SPHKAP: variants seen among roughly 807,000 people sequenced by gnomAD.
SPHKAP encodes A-kinase anchor protein SPHKAP.
A neutral mutation model predicts 137.5 loss-of-function variants in SPHKAP; 67 were observed. That is an observed-to-expected ratio of 0.49 (90% confidence interval 0.40 to 0.60). The LOEUF (loss-of-function observed/expected upper bound fraction) is 0.60. SPHKAP is among the 20% of genes least tolerant of loss of function. SPHKAP has a pLI of 0.00. For missense variants in SPHKAP, 2,097 were observed against 2,069.3 expected (o/e 1.01, Z -0.26); for synonymous variants, 813 against 785.3 (o/e 1.04, Z -0.59).
chr2:228,018,017 G>A lies in SPHKAP; in HGVS notation c.2837C>T (p.Ala946Val), dbSNP rs764235725. 1.2e-6 allele frequency: 2 copies of A among 1,614,068 alleles called. No homozygotes were observed. Among genetic ancestry groups the A allele is most frequent in the Non-Finnish European group, 1.7e-6 (2 of 1,180,014 alleles). The change falls in exon 7 of 12, where the codon GCG (alanine) becomes GTG (valine). Residue 946 changes from alanine to valine, a missense_variant. Transcript: ENST00000392056. ...TCCACTGGAGTTGTCAAGGCAAATC[G>A]CTGCAATTTCAGTTGCCATGGAGAC... ...TVVSMATEIAAICLDNSSGKQ... is the reference protein window; with the variant it reads ...TVVSMATEIAVICLDNSSGKQ...
At chr2:228,172,192 G>A (rs148927983) in intron 1 of SPHKAP, among the ~76,000 whole-genome samples, 42 of 152,236 alleles carry the variant, frequency 2.8e-4, no homozygotes, top group African/African-American at 9.1e-4. Flanking sequence ...ATGTAGCACC[G>A]TATTTGCAAG....
At chr2:228,027,412 T>G (rs1239975898) in intron 4 of SPHKAP, 72 bp downstream of exon 4, 2 of 1,474,660 alleles carry the variant, frequency 1.4e-6, no homozygotes. Flanking sequence ...AAAATGAGCA[T>G]TATTTACAGA....
At chr2:228,143,213 A>G (rs1234325308) in intron 1 of SPHKAP, among the ~76,000 whole-genome samples, 2 of 152,128 alleles carry the variant, frequency 1.3e-5, no homozygotes, top group African/African-American at 4.8e-5. Context: ...AAAATATTAC[A>G]CTATGTAACT....
At chr2:228,158,343 T>TTTTTA (rs1700173434) in intron 1 of SPHKAP, among the ~76,000 whole-genome samples, 2 of 150,646 alleles carry the variant, frequency 1.3e-5, no homozygotes, top group South Asian at 4.2e-4. Flanking sequence ...TTTTTTTTTT[T>TTTTTA]AGCACAGTCT....
intron 7 of SPHKAP, among the ~76,000 whole-genome samples, chr2:228,016,113 A>C (rs1694577054): frequency 6.6e-6 from 1 of 152,178 alleles, no homozygotes; most frequent in African/African-American, 2.4e-5. Flanking sequence ...GATTTTAAGA[A>C]GAGATTTACT....
intron 7 of SPHKAP, among the ~76,000 whole-genome samples, chr2:228,008,758 A>T (rs375907162): frequency 6.6e-6 from 1 of 150,538 alleles, no homozygotes; most frequent in East Asian, 2.0e-4. Context: ...TCTTCAATAT[A>T]TTGCCTTTGT....
Position 228,148,239 on chromosome 2 carries a change from G to A in SPHKAP, c.33-16154C>T, listed in dbSNP as rs1236067297. 5.3e-5 allele frequency among the ~76,000 whole-genome samples: 8 copies of A among 152,154 alleles called. 1 individual carries two copies. Among genetic ancestry groups the A allele is most frequent in the Admixed American group, 5.2e-4 (8 of 15,274 alleles). On this transcript the variant is annotated intron_variant, in intron 1 of 11. Transcript: ENST00000392056. ...TTGCTGAGAGAAGAGGGGTACTTGG[G>A]TCATTGAGGGGTATCCCCCAAACAC...
chr2:228,016,415 T>C lies in SPHKAP; in HGVS notation c.4439A>G (p.Gln1480Arg), dbSNP rs372871886. The stretch of plus-strand genomic sequence containing the variant: ...GAGACGATTCACTCACCTATGGATT[T>C]GACAAGCGCTCACGGCTGTGTCTCC... ...RGGDTAVSACQIHSDSLDTRD... is the reference protein window; with the variant it reads ...RGGDTAVSACRIHSDSLDTRD... The change falls in exon 7 of 12, where the codon CAA (glutamine) becomes CGA (arginine). Residue 1480 changes from glutamine to arginine, a missense_variant. Coordinates refer to ENST00000392056, the MANE Select transcript of SPHKAP (RefSeq NM_001142644.2). The C allele has an allele frequency of 1.2e-5, 19 of 1,589,812 alleles. No homozygotes were observed. Among genetic ancestry groups the C allele is most frequent in the Admixed American group, 1.8e-5 (1 of 54,982 alleles).
intron 3 of SPHKAP, among the ~76,000 whole-genome samples, chr2:228,040,381 C>T (rs912867278): frequency 6.6e-6 from 1 of 152,108 alleles, no homozygotes; most frequent in Non-Finnish European, 1.5e-5. Flanking sequence ...AAGAATATGA[C>T]ATTTTCTGCC....
intron 1 of SPHKAP, among the ~76,000 whole-genome samples, chr2:228,164,289 T>G (rs998970915): frequency 1.3e-5 from 2 of 152,144 alleles, no homozygotes; most frequent in Admixed American, 6.5e-5. Context: ...GTCTGGAGAC[T>G]TTCAGACTTT....
rs368970494 is a variant in SPHKAP, at chr2:228,131,940, G to A, written c.138+40C>T. On this transcript the variant is annotated intron_variant, in intron 2 of 11. Transcript: ENST00000392056. ...AATTTCGAATTAAATGAATATTCAAGTTCAACTGACAAGAAGAAAGTGGCG... is the reference window on the plus strand; with the variant it reads ...AATTTCGAATTAAATGAATATTCAAATTCAACTGACAAGAAGAAAGTGGCG... The A allele has an allele frequency of 6.3e-6, 10 of 1,593,402 alleles. No homozygotes were observed. The African/African-American group carries it at 1.1e-4, about 17-fold the overall frequency.
intron 7 of SPHKAP, among the ~76,000 whole-genome samples, chr2:228,001,688 T>G (rs2106180546): frequency 6.6e-6 from 1 of 151,896 alleles, no homozygotes; most frequent in East Asian, 1.9e-4. Flanking sequence ...TCATTTACAT[T>G]AGGTATATCT....
intron 3 of SPHKAP, among the ~76,000 whole-genome samples, chr2:228,084,216 G>T (rs1043959018): frequency 6.6e-6 from 1 of 151,964 alleles, no homozygotes; most frequent in Non-Finnish European, 1.5e-5. Context: ...GAAAATCCAA[G>T]CCCATTTCAT....
chr2:228,025,055 C>T (rs754062549), intron 5 of SPHKAP, among the ~76,000 whole-genome samples: 2 of 152,152 alleles, frequency 1.3e-5, no homozygotes, highest in Non-Finnish European at 2.9e-5. Flanking sequence ...AATTTTCATA[C>T]TGCTCCTAAA....
Position 228,132,097 on chromosome 2 carries a change from CCAAAACACAAAAACA to C in SPHKAP, c.33-27_33-13del. 1 of 1,609,142 alleles carries C rather than the reference CCAAAACACAAAAACA, an allele frequency of 6.2e-7. No individual in the cohort carries two copies. Among genetic ancestry groups the C allele is most frequent in the Non-Finnish European group, 8.5e-7 (1 of 1,176,548 alleles). ...ATGACTCCAAGTTGCTGTTTGTGAC[CCAAAACACAAAAACA>C]CATTCCAGTGAGTCATATCTATATT... On this transcript the variant is annotated splice_polypyrimidine_tract_variant and intron_variant, in intron 1 of 11. Transcript: ENST00000392056.
intron 3 of SPHKAP, among the ~76,000 whole-genome samples, chr2:228,080,102 A>T (rs1179160664): frequency 6.6e-6 from 1 of 152,136 alleles, no homozygotes; most frequent in Non-Finnish European, 1.5e-5. Context: ...GAGCATAGGT[A>T]ACAAAAGCAA....
intron 7 of SPHKAP, among the ~76,000 whole-genome samples, chr2:228,014,760 C>T (rs1186701745): frequency 6.6e-6 from 1 of 152,170 alleles, no homozygotes; most frequent in East Asian, 1.9e-4. Context: ...TTTCAGAAAG[C>T]TGCTGAAATT....
chr2:228,045,243 A>C (rs1369450594), intron 3 of SPHKAP, among the ~76,000 whole-genome samples: 1 of 151,204 alleles, frequency 6.6e-6, no homozygotes, highest in South Asian at 2.1e-4. Context: ...CCATCCCATT[A>C]CTGGGTATAT....
intron 3 of SPHKAP, among the ~76,000 whole-genome samples, chr2:228,083,149 G>A (rs34191541): frequency 0.31 from 47,699 of 152,056 alleles, 7,726 homozygotes; most frequent in Admixed American, 0.4. Flanking sequence ...TTACTGAAAA[G>A]CAAAATAAGA....
Sources: gnomAD v4.1 joint callset for allele counts (sites outside exome capture counted in the v4.1 genomes callset) on GRCh38, gnomAD v4.1.1 for gene constraint, MANE v1.5 for transcripts, NCBI Gene and HGNC (gene_info 2026-07-23, HGNC 2026-07-21) for gene names.